The following HTR1F variants were observed in gnomAD, a reference collection of about 807,000 sequenced individuals.
HTR1F encodes 5-hydroxytryptamine (serotonin) receptor 1F, G protein-coupled.
Under a neutral mutation model 24.0 loss-of-function variants are expected in HTR1F, and 17 were observed. The ratio of observed to expected loss-of-function variants is 0.71; its 90% confidence interval spans 0.48 to 1.06. HTR1F has a LOEUF of 1.06. Ranked by LOEUF, HTR1F falls within the 50% of genes least tolerant of loss-of-function variation. The probability of loss-of-function intolerance (pLI) is 0.00; values close to 1 mark genes in which losing one functional copy is unlikely to be tolerated. For synonymous variants in HTR1F, 186 were observed against 156.8 expected (o/e 1.19, Z -1.39); for missense variants, 391 against 427.8 (o/e 0.91, Z 0.76).
chr3:87,868,665 A>T (rs1705478552), intron 2 of HTR1F, among the ~76,000 whole-genome samples: 1 of 151,900 alleles, frequency 6.6e-6, no homozygotes, highest in Non-Finnish European at 1.5e-5. Context: ...AGATAGCCTT[A>T]CCAGAGAATT....
At chr3:87,826,016 A>G (rs1030653344) in intron 2 of HTR1F, among the ~76,000 whole-genome samples, 9 of 152,234 alleles carry the variant, frequency 5.9e-5, no homozygotes, top group Non-Finnish European at 1.2e-4. Flanking sequence ...AAGACTAAAT[A>G]AGATCATGTG....
chr3:87,982,443 T>C (rs999981126), intron 2 of HTR1F, among the ~76,000 whole-genome samples: 64 of 152,160 alleles, frequency 4.2e-4, no homozygotes, highest in African/African-American at 1.4e-3. Context: ...ATCCGATTCA[T>C]AGGGAGACAC....
intron 2 of HTR1F, among the ~76,000 whole-genome samples, chr3:87,942,609 A>G (rs1050477891): frequency 6.6e-5 from 10 of 151,990 alleles, no homozygotes; most frequent in African/African-American, 2.4e-4. Flanking sequence ...CTACTTGGAT[A>G]ATCTTTTTTA....
intron 2 of HTR1F, among the ~76,000 whole-genome samples, chr3:87,984,053 A>G (rs1337310731): frequency 1.3e-5 from 2 of 152,190 alleles, no homozygotes; most frequent in Admixed American, 1.3e-4. Flanking sequence ...TGTCTTCCTC[A>G]GTTAATTTTC....
intron 2 of HTR1F, among the ~76,000 whole-genome samples, chr3:87,832,279 A>AT (rs1704595533): frequency 1.3e-5 from 2 of 150,014 alleles, no homozygotes; most frequent in African/African-American, 4.9e-5. Context: ...TATAATATGT[A>AT]TTATACACAC....
At chr3:87,861,047 C>G (rs1575956935) in intron 2 of HTR1F, among the ~76,000 whole-genome samples, 1 of 152,140 alleles carries the variant, frequency 6.6e-6, no homozygotes, top group East Asian at 1.9e-4. Context: ...GTCCCAGCTA[C>G]ACGGGAAGCT....
At chr3:87,979,476 T>C (rs1331150723) in intron 2 of HTR1F, among the ~76,000 whole-genome samples, 2 of 152,202 alleles carry the variant, frequency 1.3e-5, no homozygotes, top group African/African-American at 4.8e-5. Flanking sequence ...TTCTGTTGAC[T>C]GTGGAGTTTA....
At chr3:87,977,779 G>C (rs1705431104) in intron 2 of HTR1F, among the ~76,000 whole-genome samples, 1 of 151,798 alleles carries the variant, frequency 6.6e-6, no homozygotes, top group Non-Finnish European at 1.5e-5. Flanking sequence ...CTATTATGTG[G>C]GGGAGTCACT....
chr3:87,899,414 G>T (rs1169668517), intron 2 of HTR1F, among the ~76,000 whole-genome samples: 2 of 151,962 alleles, frequency 1.3e-5, no homozygotes. Flanking sequence ...GTTTTTACTT[G>T]TCATAATATG....
At chr3:87,948,402 CATTT>C (rs1341058075) in intron 2 of HTR1F, among the ~76,000 whole-genome samples, 2 of 152,096 alleles carry the variant, frequency 1.3e-5, no homozygotes, top group African/African-American at 4.8e-5. Flanking sequence ...TTCTTCATAA[CATTT>C]ATTTATGCAT....
intron 2 of HTR1F, among the ~76,000 whole-genome samples, chr3:87,906,970 A>G (rs1295103194): frequency 1.3e-5 from 2 of 152,018 alleles, no homozygotes; most frequent in African/African-American, 2.4e-5. Context: ...ATATTTTGCA[A>G]TTGCCACTTG....
At chr3:87,898,706 G>C (rs1475369536) in intron 2 of HTR1F, among the ~76,000 whole-genome samples, 1 of 151,568 alleles carries the variant, frequency 6.6e-6, no homozygotes, top group Admixed American at 6.6e-5. Flanking sequence ...TTTTCTTAAG[G>C]GGTATTTGTT....
chr3:87,984,919 CCTA>C (rs770401809), intron 2 of HTR1F, among the ~76,000 whole-genome samples: 1 of 152,186 alleles, frequency 6.6e-6, no homozygotes, highest in Non-Finnish European at 1.5e-5. Flanking sequence ...TGAATACATT[CCTA>C]CTGTTATAAT....
intron 2 of HTR1F, among the ~76,000 whole-genome samples, chr3:87,938,310 C>T (rs1224538500): frequency 6.6e-6 from 1 of 152,184 alleles, no homozygotes; most frequent in Non-Finnish European, 1.5e-5. Context: ...AATGGAAAAA[C>T]ATTCCACGCT....
chr3:87,991,951 A>T lies in HTR1F; in HGVS notation c.*101A>T. 3 of 965,504 alleles carry T rather than the reference A, an allele frequency of 3.1e-6. No homozygotes were observed. Among genetic ancestry groups the T allele is most frequent in the Non-Finnish European group, 4.6e-6 (3 of 655,634 alleles). The allele number at this position is 965,504 out of a possible 1,614,324, so 59.8% of individuals were successfully genotyped here. ...CACTTAAGCTTTTAGAGGGAAATAC[A>T]TGAAAACTGCTAAATTGATAAGGCT... On this transcript the variant is annotated 3_prime_UTR_variant, in exon 3 of 3. Coordinates refer to ENST00000319595, the MANE Select transcript of HTR1F (RefSeq NM_001322209.2).
intron 2 of HTR1F, among the ~76,000 whole-genome samples, chr3:87,919,721 G>A (rs948669256): frequency 5.9e-5 from 9 of 151,978 alleles, no homozygotes; most frequent in Non-Finnish European, 8.8e-5. Context: ...GCAAATAGTA[G>A]ATGTTGGCGT....
At chr3:87,845,965 C>G in intron 2 of HTR1F, among the ~76,000 whole-genome samples, 1 of 151,916 alleles carries the variant, frequency 6.6e-6, no homozygotes, top group East Asian at 1.9e-4. Flanking sequence ...ACTTAGCACA[C>G]AACAGACAGG....
At chr3:87,908,197 T>C (rs910689702) in intron 2 of HTR1F, among the ~76,000 whole-genome samples, 3 of 152,048 alleles carry the variant, frequency 2.0e-5, no homozygotes, top group Non-Finnish European at 4.4e-5. Flanking sequence ...TTACTATTAA[T>C]CTATCATAAG....
chr3:87,832,263 G>T (rs1258873336), intron 2 of HTR1F, among the ~76,000 whole-genome samples: 1 of 150,124 alleles, frequency 6.7e-6, no homozygotes, highest in Non-Finnish European at 1.5e-5. Flanking sequence ...TTAATTATAT[G>T]TAATGTATAA....
Sources: gnomAD v4.1 joint callset for allele counts (sites outside exome capture counted in the v4.1 genomes callset) on GRCh38, gnomAD v4.1.1 for gene constraint, MANE v1.5 for transcripts, NCBI Gene and HGNC (gene_info 2026-07-23, HGNC 2026-07-21) for gene names.